The following GRID2 variants were observed in gnomAD, a reference collection of about 807,000 sequenced individuals.
GRID2 encodes glutamate receptor ionotropic, delta-2.
A neutral mutation model predicts 114.8 loss-of-function variants in GRID2; 33 were observed. That is an observed-to-expected ratio of 0.29 (90% CI 0.22 to 0.38). The LOEUF (loss-of-function observed/expected upper bound fraction) is 0.38. Ranked by LOEUF, GRID2 falls within the 10% of genes least tolerant of loss-of-function variation. The pLI is 1.00. For missense variants in GRID2, 1,184 were observed against 1,257.7 expected, an observed-to-expected ratio of 0.94 and a Z score of 0.89; for synonymous variants, 505 against 449.9, an observed-to-expected ratio of 1.12 and a Z score of -1.55.
At chr4:93,769,525 A>T in intron 15 of GRID2, 75 bp downstream of exon 15, 2 of 1,419,692 alleles carry the variant, frequency 1.4e-6, no homozygotes, top group Non-Finnish European at 2.0e-6. Flanking sequence ...CATCCCAGGG[A>T]GGATAATGGG....
chr4:92,925,541 T>A (rs975167189), intron 2 of GRID2, among the ~76,000 whole-genome samples: 1 of 152,044 alleles, frequency 6.6e-6, no homozygotes, highest in African/African-American at 2.4e-5. Context: ...ATATATGATC[T>A]TCTTTATGAT....
At chr4:93,366,729 C>T (rs1043137862) in intron 8 of GRID2, among the ~76,000 whole-genome samples, 24 of 151,988 alleles carry the variant, frequency 1.6e-4, no homozygotes, top group Non-Finnish European at 2.5e-4. Flanking sequence ...ATGTCTACCC[C>T]GGACGCCCGG....
intron 2 of GRID2, among the ~76,000 whole-genome samples, chr4:92,650,611 C>T (rs923683698): frequency 2.6e-5 from 4 of 151,720 alleles, no homozygotes; most frequent in Admixed American, 6.6e-5. Context: ...ATCTGAGTGG[C>T]AGCCTTGACT....
intron 2 of GRID2, among the ~76,000 whole-genome samples, chr4:92,669,776 G>A (rs896763182): frequency 1.3e-5 from 2 of 151,882 alleles, no homozygotes; most frequent in African/African-American, 4.8e-5. Context: ...TATACCATTT[G>A]GAAATTTTAT....
intron 4 of GRID2, among the ~76,000 whole-genome samples, chr4:93,141,888 T>C (rs1735800808): frequency 1.3e-5 from 2 of 152,194 alleles, no homozygotes; most frequent in African/African-American, 2.4e-5. Context: ...TTCCTACACA[T>C]AACAAGGGAT....
intron 1 of GRID2, among the ~76,000 whole-genome samples, chr4:92,318,200 T>A (rs1246148903): frequency 6.6e-6 from 1 of 151,492 alleles, no homozygotes; most frequent in East Asian, 1.9e-4. Flanking sequence ...GAAGGTGATG[T>A]GATGGAGAGG....
intron 2 of GRID2, among the ~76,000 whole-genome samples, chr4:92,686,752 A>C (rs560658432): frequency 8.5e-5 from 13 of 152,156 alleles, no homozygotes; most frequent in Admixed American, 4.6e-4. Context: ...TTTATTTAAA[A>C]AATTAGCAAT....
chr4:93,748,366 C>T (rs535617923), intron 14 of GRID2, among the ~76,000 whole-genome samples: 79 of 151,950 alleles, frequency 5.2e-4, no homozygotes, highest in South Asian at 1.0e-3. Flanking sequence ...GGTAAGTTAC[C>T]CCAGTAGACA....
chr4:92,841,226 C>T (rs187378088), intron 2 of GRID2, among the ~76,000 whole-genome samples: 1 of 152,118 alleles, frequency 6.6e-6, no homozygotes, highest in South Asian at 2.1e-4. Flanking sequence ...TGATTTAAAG[C>T]CAGCTGAAAT....
chr4:92,674,007 T>C (rs1007397676), intron 2 of GRID2, among the ~76,000 whole-genome samples: 4 of 152,112 alleles, frequency 2.6e-5, no homozygotes, highest in South Asian at 4.1e-4. Context: ...AAGAAGGCAG[T>C]TGACATTCCT....
At chr4:92,655,166 G>C (rs1732165704) in intron 2 of GRID2, among the ~76,000 whole-genome samples, 1 of 151,866 alleles carries the variant, frequency 6.6e-6, no homozygotes, top group Non-Finnish European at 1.5e-5. Context: ...TCCAATGTTT[G>C]TTCTTGGTGA....
intron 13 of GRID2, among the ~76,000 whole-genome samples, chr4:93,529,376 C>A (rs1310552596): frequency 2.0e-5 from 3 of 152,184 alleles, no homozygotes; most frequent in Admixed American, 2.0e-4. Context: ...GGCCCTGGTC[C>A]AGCTGCATCA....
chr4:92,739,984 T>C (rs1736792865), intron 2 of GRID2, among the ~76,000 whole-genome samples: 1 of 152,144 alleles, frequency 6.6e-6, no homozygotes, highest in Admixed American at 6.5e-5. Context: ...TAGAAGGATA[T>C]TACTATCCTT....
chr4:92,638,843 A>C (rs1300427497), intron 2 of GRID2, among the ~76,000 whole-genome samples: 1 of 151,090 alleles, frequency 6.6e-6, no homozygotes, highest in Non-Finnish European at 1.5e-5. Context: ...TCTAATATCC[A>C]AATTCTCAAT....
Position 92,604,435 on chromosome 4 carries a change from G to C in GRID2, c.244+14149G>C, listed in dbSNP as rs946745000. 2.0e-5 allele frequency among the ~76,000 whole-genome samples: 3 copies of C among 152,144 alleles called. No individual in the cohort carries two copies. The East Asian group carries it at 5.8e-4, about 29-fold the overall frequency. On this transcript the variant is annotated intron_variant, in intron 2 of 15. Coordinates refer to ENST00000282020, the MANE Select transcript of GRID2 (RefSeq NM_001510.4). ...CTATTTTCCTCAGCAAACTAACACAGGAACAGAGAACCAAACACCACCTGT... is the reference window on the plus strand; with the variant it reads ...CTATTTTCCTCAGCAAACTAACACACGAACAGAGAACCAAACACCACCTGT...
At chr4:92,585,957 CTT>C (rs1317519416) in intron 1 of GRID2, among the ~76,000 whole-genome samples, 1 of 151,648 alleles carries the variant, frequency 6.6e-6, no homozygotes, top group African/African-American at 2.4e-5. Flanking sequence ...TTAGGTGTAA[CTT>C]ATATTTTATC....
intron 1 of GRID2, among the ~76,000 whole-genome samples, chr4:92,431,781 C>T (rs1732466702): frequency 6.6e-6 from 1 of 152,142 alleles, no homozygotes; most frequent in Admixed American, 6.5e-5. Flanking sequence ...ACTCTTGATG[C>T]TCGTGGATGT....
intron 1 of GRID2, among the ~76,000 whole-genome samples, chr4:92,525,121 A>G (rs369179230): frequency 6.6e-6 from 1 of 152,020 alleles, no homozygotes. Context: ...AGTGGCTGTG[A>G]GGTGGGAAAT....
intron 1 of GRID2, among the ~76,000 whole-genome samples, chr4:92,347,177 AC>A (rs1159785468): frequency 1.3e-5 from 2 of 152,220 alleles, no homozygotes; most frequent in East Asian, 3.8e-4. Context: ...TTAGCCCTGA[AC>A]CAAAAAATTG....
Sources: allele counts gnomAD v4.1 joint callset (sites outside exome capture counted in the v4.1 genomes callset), GRCh38; gene constraint gnomAD v4.1.1; transcripts MANE v1.5; gene names NCBI Gene and HGNC (gene_info 2026-07-23, HGNC 2026-07-21).